The following PTPN3 variants were observed in gnomAD, a reference collection of about 807,000 sequenced individuals.
The protein encoded by PTPN3 is protein tyrosine phosphatase non-receptor type 3.
In PTPN3, 96 loss-of-function variants were observed where a neutral mutation model predicts 132.7. That is an observed-to-expected ratio of 0.72 (90% CI 0.61 to 0.86). The LOEUF is 0.86. Among genes scored for constraint, PTPN3 ranks in the 40% least tolerant of loss-of-function variants. The pLI is 0.00. For missense variants in PTPN3, 1,125 were observed against 1,159.6 expected (o/e 0.97, Z 0.43); for synonymous variants, 398 against 429.0 (o/e 0.93, Z 0.89).
intron 25 of PTPN3, among the ~76,000 whole-genome samples, chr9:109,380,028 G>T (rs1323941055): frequency 6.6e-6 from 1 of 152,234 alleles, no homozygotes; most frequent in Admixed American, 6.5e-5. Context: ...GCACAGGTGG[G>T]CTGGGACCTG....
chr9:109,454,244 A>T (rs1281430333), intron 5 of PTPN3, among the ~76,000 whole-genome samples: 3 of 152,116 alleles, frequency 2.0e-5, no homozygotes, highest in Non-Finnish European at 2.9e-5. Flanking sequence ...TGGGAGAGGT[A>T]GGAGGTGGCA....
intron 12 of PTPN3, among the ~76,000 whole-genome samples, chr9:109,423,628 G>A (rs1419674216): frequency 6.6e-6 from 1 of 152,070 alleles, no homozygotes; most frequent in Non-Finnish European, 1.5e-5. Context: ...ATTATACAGA[G>A]TTTCAGGCTA....
At chr9:109,505,286 A>T in the PTPN3 span, among the ~76,000 whole-genome samples, 1 of 152,178 alleles carries the variant, frequency 6.6e-6, no homozygotes, top group African/African-American at 2.4e-5. Flanking sequence ...TATAGTAATT[A>T]TTTTGGTATA....
chr9:109,403,592 C>T (rs1379143820), intron 19 of PTPN3, among the ~76,000 whole-genome samples: 3 of 152,102 alleles, frequency 2.0e-5, no homozygotes, highest in Non-Finnish European at 1.5e-5. Context: ...GTAATTTCAG[C>T]GTTTTGGAAG....
In PTPN3 at chr9:109,422,834, A is replaced by G. The variant is rs201919688; in HGVS notation, c.1020T>C (p.Tyr340=). ...RNTKKSVNNQ[Y]CKKVIGGMVW... ...CCATCCCGCCAATCACCTTTTTGCA[A>G]TATTGGTTATTTACCGACCTGAAAA... The change falls in exon 13 of 26, where the codon TAT becomes TAC. Residue 340 remains tyrosine, a synonymous_variant. Coordinates refer to ENST00000374541, the MANE Select transcript of PTPN3 (RefSeq NM_002829.4). 3.7e-6 allele frequency: 6 copies of G among 1,613,382 alleles called. No individual in the cohort carries two copies. Among genetic ancestry groups the G allele is most frequent in the Non-Finnish European group, 4.2e-6 (5 of 1,179,422 alleles).
At chr9:109,394,157 C>G (rs1422841781) in intron 19 of PTPN3, among the ~76,000 whole-genome samples, 1 of 152,166 alleles carries the variant, frequency 6.6e-6, no homozygotes, top group Non-Finnish European at 1.5e-5. Flanking sequence ...ACCTAAACGG[C>G]ATTTTAGTTC....
chr9:109,383,743 C>T (rs1346235802), intron 22 of PTPN3, among the ~76,000 whole-genome samples, 192 bp from the exon 23 acceptor site: 1 of 152,096 alleles, frequency 6.6e-6, no homozygotes, highest in East Asian at 1.9e-4. Context: ...GGGACTAGGC[C>T]ACAGGTCTCC....
Position 109,375,913 on chromosome 9 carries a change from A to C in PTPN3, c.*3643T>G, listed in dbSNP as rs536483617. The stretch of plus-strand genomic sequence containing the variant: ...GCCCAGCCCGGCCATCAGACTCCCA[A>C]GCATTTGGTCCCCGGTCTGAGGTCA... On this transcript the variant is annotated 3_prime_UTR_variant, in exon 26 of 26. Transcript: ENST00000374541. The C allele has an allele frequency of 6.6e-6, 1 of 152,384 alleles. No individual in the cohort carries two copies. Among genetic ancestry groups the C allele is most frequent in the South Asian group, 2.1e-4 (1 of 4,820 alleles). 9.4% of individuals were successfully genotyped at this position (152,384 alleles called of 1,614,324 possible).
At chr9:109,420,789 C>A (rs778040202) in intron 13 of PTPN3, among the ~76,000 whole-genome samples, 189 bp from the exon 14 acceptor site, 1 of 152,200 alleles carries the variant, frequency 6.6e-6, no homozygotes, top group Non-Finnish European at 1.5e-5. Flanking sequence ...ATCCCTAACA[C>A]TCTCAGTCAA....
the PTPN3 span, among the ~76,000 whole-genome samples, chr9:109,515,017 C>CAGAT: frequency 6.6e-6 from 1 of 151,810 alleles, no homozygotes; most frequent in Non-Finnish European, 1.5e-5. Context: ...CCAGAGCTGG[C>CAGAT]AGATACAAGA....
intron 1 of PTPN3, among the ~76,000 whole-genome samples, chr9:109,490,925 G>A (rs990529285): frequency 1.3e-5 from 2 of 151,282 alleles, no homozygotes; most frequent in East Asian, 1.9e-4. Context: ...TAGGCCGGGC[G>A]CAGTGGCTCG....
At chr9:109,511,250 C>T in the PTPN3 span, among the ~76,000 whole-genome samples, 53 of 152,142 alleles carry the variant, frequency 3.5e-4, no homozygotes, top group South Asian at 9.2e-3. Context: ...GAGCCATGGA[C>T]GTGCTTAGCA....
chr9:109,391,641 G>A, intron 19 of PTPN3, 80 bp from the exon 20 acceptor site: 1 of 1,161,752 alleles, frequency 8.6e-7, no homozygotes, highest in East Asian at 2.5e-5. Flanking sequence ...ATCATTCACA[G>A]TACCAAAATC....
rs76925927 is a variant in PTPN3 at position 109,478,890 on chromosome 9, C to A, written c.-17-15439G>T. Among the ~76,000 whole-genome samples, 1,022 of 152,280 alleles carry A rather than the reference C, an allele frequency of 6.7e-3. 11 individuals are homozygous for A. Among genetic ancestry groups the A allele is most frequent in the African/African-American group, 0.022 (928 of 41,548 alleles). On this transcript the variant is annotated intron_variant, in intron 1 of 25. Coordinates refer to ENST00000374541, the MANE Select transcript of PTPN3 (RefSeq NM_002829.4). ...CACATGTGTTTCTGAGGTGACCCAG[C>A]GGCAGGGCAGAATCCAAACCGGTGG...
In PTPN3 at chr9:109,376,143, C is replaced by T. The variant is rs1838540393; in HGVS notation, c.*3413G>A. 6.6e-6 allele frequency: 1 copy of T among 152,166 alleles called. No individual in the cohort carries two copies. The highest frequency in any genetic ancestry group is 2.4e-5 in the African/African-American group (1 of 41,432). The allele number at this position is 152,166 out of a possible 1,614,324, so 9.4% of individuals were successfully genotyped here. On this transcript the variant is annotated 3_prime_UTR_variant, in exon 26 of 26. Transcript: ENST00000374541. ...TAATTTTGATTCTCTGGAATATCAGCCTCCCAGAATGGCAAATCTTGACCT... is the reference window on the plus strand; with the variant it reads ...TAATTTTGATTCTCTGGAATATCAGTCTCCCAGAATGGCAAATCTTGACCT...
intron 19 of PTPN3, among the ~76,000 whole-genome samples, chr9:109,398,262 G>T (rs1327934150): frequency 6.6e-6 from 1 of 152,210 alleles, no homozygotes; most frequent in African/African-American, 2.4e-5. Flanking sequence ...TCCTGCCTGG[G>T]CCACAGAATG....
At chr9:109,527,447 C>T in the PTPN3 span, among the ~76,000 whole-genome samples, 3 of 151,438 alleles carry the variant, frequency 2.0e-5, no homozygotes, top group East Asian at 1.9e-4. Context: ...GATAACGGAG[C>T]GAGACACTGT....
At chr9:109,408,796 A>AAAAAAAT (rs1377996219) in intron 16 of PTPN3, among the ~76,000 whole-genome samples, 1 of 108,374 alleles carries the variant, frequency 9.2e-6, no homozygotes, top group African/African-American at 3.7e-5. Flanking sequence ...AAAAAAAAAA[A>AAAAAAAT]ATATATATAT....
chr9:109,411,683 CA>C (rs1404021132), intron 14 of PTPN3, among the ~76,000 whole-genome samples: 1 of 152,200 alleles, frequency 6.6e-6, no homozygotes, highest in Non-Finnish European at 1.5e-5. Context: ...ACCTTCATTT[CA>C]AGCCCTTATC....
Sources: gnomAD v4.1 joint callset for allele counts (sites outside exome capture counted in the v4.1 genomes callset) on GRCh38, gnomAD v4.1.1 for gene constraint, MANE v1.5 for transcripts, NCBI Gene and HGNC (gene_info 2026-07-23, HGNC 2026-07-21) for gene names.